Variants in EEF2K observed in about 807,000 individuals in gnomAD.
EEF2K encodes eukaryotic elongation factor 2 kinase, also known as alternative protein EEF2K.
EEF2K carries 70 observed loss-of-function variants against 93.8 expected under a neutral mutation model. The observed-to-expected ratio is 0.75, with a 90% CI of 0.62 to 0.91. EEF2K has a LOEUF of 0.91. Among genes scored for constraint, EEF2K ranks in the 40% least tolerant of loss-of-function variants. EEF2K has a pLI of 0.00. For missense variants in EEF2K, 935 were observed against 972.9 expected, an observed-to-expected ratio of 0.96 and a Z score of 0.52; for synonymous variants, 376 against 380.8, an observed-to-expected ratio of 0.99 and a Z score of 0.15.
At chr16:22,242,423 C>T (rs1428568986) in intron 2 of EEF2K, among the ~76,000 whole-genome samples, 2 of 151,782 alleles carry the variant, frequency 1.3e-5, no homozygotes, top group Non-Finnish European at 2.9e-5. Context: ...CTGGTTCAAG[C>T]GATTTTCCTG....
At chr16:22,255,514 G>C (rs921151353) in intron 6 of EEF2K, among the ~76,000 whole-genome samples, 1 of 152,190 alleles carries the variant, frequency 6.6e-6, no homozygotes, top group African/African-American at 2.4e-5. Flanking sequence ...CCCATTGGCT[G>C]GGCACAGTCA....
chr16:22,226,887 A>G (rs912131906), intron 2 of EEF2K, among the ~76,000 whole-genome samples: 6 of 152,218 alleles, frequency 3.9e-5, no homozygotes, highest in African/African-American at 7.2e-5. Flanking sequence ...TGGGCAACAT[A>G]GTGAGACCCT....
intron 2 of EEF2K, among the ~76,000 whole-genome samples, chr16:22,232,018 A>AAG (rs1345958662): frequency 1.3e-5 from 2 of 150,820 alleles, no homozygotes; most frequent in South Asian, 2.1e-4. Context: ...AAAAAAAAAA[A>AAG]AAGCTTCATC....
At chr16:22,222,068 T>C (rs1237458792) in intron 1 of EEF2K, among the ~76,000 whole-genome samples, 2 of 152,038 alleles carry the variant, frequency 1.3e-5, no homozygotes, top group East Asian at 3.8e-4. Flanking sequence ...AGACTCTATC[T>C]CAAAAAAAAT....
chr16:22,280,123 C>G, intron 16 of EEF2K, 75 bp from the exon 17 acceptor site: 1 of 1,381,252 alleles, frequency 7.2e-7, no homozygotes, highest in South Asian at 1.8e-5. Flanking sequence ...ACTTGCCCCT[C>G]CTGCTGGAAG....
intron 11 of EEF2K, among the ~76,000 whole-genome samples, chr16:22,261,326 C>T (rs1405392257): frequency 1.3e-5 from 2 of 151,258 alleles, no homozygotes; most frequent in East Asian, 2.0e-4. Flanking sequence ...AGTAAGCCAT[C>T]ATCACACCAC....
At chr16:22,248,138 C>T (rs1039200260) in intron 3 of EEF2K, among the ~76,000 whole-genome samples, 1 of 152,066 alleles carries the variant, frequency 6.6e-6, no homozygotes, top group Non-Finnish European at 1.5e-5. Flanking sequence ...AATCTCGGCT[C>T]ACTGTGACCT....
At chr16:22,256,673 G>T (rs1205714335) in intron 6 of EEF2K, 75 bp from the exon 7 acceptor site, 2 of 1,528,456 alleles carry the variant, frequency 1.3e-6, no homozygotes, top group African/African-American at 2.7e-5. Flanking sequence ...GAGTTCCTCT[G>T]AGCCCTCCCC....
chr16:22,245,465 G>A (rs919233753), intron 3 of EEF2K, among the ~76,000 whole-genome samples: 5 of 151,824 alleles, frequency 3.3e-5, no homozygotes, highest in African/African-American at 9.7e-5. Context: ...AGGTTAACCT[G>A]CCAGGCCTCT....
rs1466389057 is a variant in EEF2K, at chr16:22,266,435, C to T, written c.1486C>T (p.Leu496=). The T allele has an allele frequency of 6.2e-7, 1 of 1,614,080 alleles. No individual in the cohort carries two copies. The highest frequency in any genetic ancestry group is 8.5e-7 in the Non-Finnish European group (1 of 1,180,036). Residue 496 remains leucine (L), a synonymous_variant, in exon 14 of 18, where the codon CTG becomes TTG. Coordinates refer to ENST00000263026, the MANE Select transcript of EEF2K (RefSeq NM_013302.5). ...TCTCCTCAACTCCTCCCGCCTCCACCTGCCGAGGGCTTCGGCCGTGGCCCT... is the reference window on the plus strand; with the variant it reads ...TCTCCTCAACTCCTCCCGCCTCCACTTGCCGAGGGCTTCGGCCGTGGCCCT... ...WNLLNSSRLH[L]PRASAVALEV...
chr16:22,272,380 C>T (rs1226577021), intron 15 of EEF2K, among the ~76,000 whole-genome samples: 2 of 152,180 alleles, frequency 1.3e-5, no homozygotes, highest in Non-Finnish European at 2.9e-5. Flanking sequence ...ATATGCGCTA[C>T]AACACAGATG....
intron 6 of EEF2K, among the ~76,000 whole-genome samples, chr16:22,255,904 T>G (rs1288742174): frequency 6.6e-6 from 1 of 151,630 alleles, no homozygotes. Flanking sequence ...AGTGAGACCC[T>G]GTCTCTAAAA....
intron 2 of EEF2K, among the ~76,000 whole-genome samples, chr16:22,236,586 G>A (rs2047170122): frequency 6.6e-6 from 1 of 151,922 alleles, no homozygotes; most frequent in Admixed American, 6.6e-5. Context: ...AGGCTTGGGT[G>A]AGTCACTGGA....
At chr16:22,248,724 G>A (rs753134134) in intron 3 of EEF2K, 31 bp from the exon 4 acceptor site, 2 of 1,612,774 alleles carry the variant, frequency 1.2e-6, no homozygotes, top group East Asian at 2.2e-5. Context: ...CGTGATGGAC[G>A]CTGTGCCCCA....
At chr16:22,261,553 G>T (rs1051023612) in intron 11 of EEF2K, among the ~76,000 whole-genome samples, 14 of 151,816 alleles carry the variant, frequency 9.2e-5, no homozygotes, top group African/African-American at 3.1e-4. Context: ...AGCCGAGTAT[G>T]GTGGCAGTTT....
At chr16:22,268,562 G>C (rs2047547098) in intron 15 of EEF2K, among the ~76,000 whole-genome samples, 1 of 151,958 alleles carries the variant, frequency 6.6e-6, no homozygotes, top group Non-Finnish European at 1.5e-5. Flanking sequence ...GACCTCCTGG[G>C]TTCAAGCGAT....
Position 22,256,769 on chromosome 16 carries a change from A to G in EEF2K, c.640A>G (p.Ile214Val). The G allele has an allele frequency of 1.2e-6, 2 of 1,614,052 alleles. No individual in the cohort carries two copies. The highest frequency in any genetic ancestry group is 1.7e-5 in the Admixed American group (1 of 60,002). The part of the protein sequence containing the change: ...PKQVDIMQMC[I>V]IELKDRPGKP... ...CCAGGTGGACATCATGCAGATGTGC[A>G]TCATCGAGCTGAAGGACAGACCGGG... Residue 214 changes from isoleucine to valine, a missense_variant, in exon 7 of 18, where the codon ATC becomes GTC. By Grantham distance (29) the Ile-to-Val change is conservative. Coordinates refer to ENST00000263026, the MANE Select transcript of EEF2K (RefSeq NM_013302.5).
intron 2 of EEF2K, among the ~76,000 whole-genome samples, chr16:22,236,717 G>A (rs182952266): frequency 8.0e-4 from 121 of 150,998 alleles, no homozygotes; most frequent in Non-Finnish European, 1.4e-3. Flanking sequence ...ACACATTGCC[G>A]GCACTCCACC....
At chr16:22,261,833 C>T (rs2047466713) in intron 11 of EEF2K, among the ~76,000 whole-genome samples, 1 of 151,764 alleles carries the variant, frequency 6.6e-6, no homozygotes, top group South Asian at 2.1e-4. Context: ...GATGAAACCT[C>T]ATCCCTACAA....
Sources: gnomAD v4.1 joint callset for allele counts (sites outside exome capture counted in the v4.1 genomes callset) on GRCh38, gnomAD v4.1.1 for gene constraint, MANE v1.5 for transcripts, NCBI Gene and HGNC (gene_info 2026-07-23, HGNC 2026-07-21) for gene names.